Variants in WASF1 observed in about 807,000 individuals in gnomAD.
The protein encoded by WASF1 is WASP family member 1.
In WASF1, 7 loss-of-function variants were observed where a neutral mutation model predicts 50.5. That is an observed-to-expected ratio of 0.14 (90% CI 0.08 to 0.26). The LOEUF (loss-of-function observed/expected upper bound fraction) is 0.26, where lower values mean the gene tolerates loss of function less well. WASF1 is among the 10% of genes least tolerant of loss of function. The pLI, the probability that WASF1 is intolerant of heterozygous loss-of-function variation, is 1.00. For synonymous variants in WASF1, 205 were observed against 244.0 expected, an observed-to-expected ratio of 0.84 and a Z score of 1.49; for missense variants, 470 against 694.7, an observed-to-expected ratio of 0.68 and a Z score of 3.64.
chr6:110,135,764 G>C (rs936263668), intron 3 of WASF1, among the ~76,000 whole-genome samples: 3 of 106,004 alleles, frequency 2.8e-5, no homozygotes, highest in African/African-American at 7.3e-5. Context: ...ACTGGATTTA[G>C]TTTGGGTTTG....
At chr6:110,100,874 T>C (rs1773051311) in intron 10 of WASF1, among the ~76,000 whole-genome samples, 195 bp from the exon 11 acceptor site, 1 of 152,210 alleles carries the variant, frequency 6.6e-6, no homozygotes, top group Non-Finnish European at 1.5e-5. Flanking sequence ...TTGGTAAAAC[T>C]TACCAGATAT....
At chr6:110,118,629 C>T (rs1310614632) in intron 4 of WASF1, among the ~76,000 whole-genome samples, 1 of 152,018 alleles carries the variant, frequency 6.6e-6, no homozygotes, top group African/African-American at 2.4e-5. Context: ...ATATTAGACA[C>T]ATCAAAGAGA....
intron 10 of WASF1, 66 bp from the exon 11 acceptor site, chr6:110,100,745 T>C: frequency 7.2e-7 from 1 of 1,383,034 alleles, no homozygotes; most frequent in African/African-American, 1.5e-5. Context: ...TATTAATATT[T>C]CTGGAATAAA....
At chr6:110,179,094 C>T (rs1485060787) in intron 1 of WASF1, among the ~76,000 whole-genome samples, 1 of 152,340 alleles carries the variant, frequency 6.6e-6, no homozygotes, top group East Asian at 1.9e-4. Context: ...GAAAGAGGCA[C>T]GGGGCGGACC....
intron 2 of WASF1, among the ~76,000 whole-genome samples, chr6:110,171,014 C>G (rs1041114631): frequency 6.6e-6 from 1 of 152,102 alleles, no homozygotes. Context: ...ATCCTTCTAT[C>G]GGTAATTAAC....
At chr6:110,147,950 T>C (rs1775647414) in intron 3 of WASF1, among the ~76,000 whole-genome samples, 1 of 152,170 alleles carries the variant, frequency 6.6e-6, no homozygotes. Flanking sequence ...TTTTGCCATG[T>C]TGCCCGGGCT....
chr6:110,175,431 G>GA (rs2114630948), intron 2 of WASF1, among the ~76,000 whole-genome samples: 1 of 152,166 alleles, frequency 6.6e-6, no homozygotes, highest in East Asian at 1.9e-4. Flanking sequence ...CGTGTGAAAG[G>GA]ATCAAGACTA....
intron 4 of WASF1, among the ~76,000 whole-genome samples, chr6:110,114,600 T>C (rs1436295664): frequency 6.6e-6 from 1 of 151,810 alleles, no homozygotes; most frequent in African/African-American, 2.4e-5. Context: ...AGTCCATATA[T>C]GACAACTTAA....
At chr6:110,106,393 C>T (rs1057433388) in intron 7 of WASF1, among the ~76,000 whole-genome samples, 1 of 152,164 alleles carries the variant, frequency 6.6e-6, no homozygotes, top group African/African-American at 2.4e-5. Flanking sequence ...AATACAATGG[C>T]ATTATACAGG....
chr6:110,172,268 G>C (rs1438577034), intron 2 of WASF1, among the ~76,000 whole-genome samples: 1 of 152,094 alleles, frequency 6.6e-6, no homozygotes, highest in Non-Finnish European at 1.5e-5. Flanking sequence ...CAATAGCAAA[G>C]ACTTGGAACC....
intron 3 of WASF1, among the ~76,000 whole-genome samples, chr6:110,151,827 C>T (rs1775838699): frequency 6.6e-6 from 1 of 151,954 alleles, no homozygotes; most frequent in Non-Finnish European, 1.5e-5. Flanking sequence ...TTCTATTTCC[C>T]CACTGGACAT....
intron 2 of WASF1, among the ~76,000 whole-genome samples, chr6:110,171,768 T>C (rs1413332078): frequency 1.3e-5 from 2 of 152,004 alleles, no homozygotes; most frequent in East Asian, 3.9e-4. Context: ...GGAGAAAATT[T>C]TTGCAATCTA....
intron 3 of WASF1, among the ~76,000 whole-genome samples, chr6:110,139,059 G>C (rs545390547): frequency 2.0e-5 from 3 of 152,308 alleles, no homozygotes; most frequent in Non-Finnish European, 4.4e-5. Context: ...CATGCTCATA[G>C]GCACCCAAAG....
chr6:110,177,980 C>T (rs181213092), intron 2 of WASF1, among the ~76,000 whole-genome samples: 1 of 148,212 alleles, frequency 6.7e-6, no homozygotes, highest in East Asian at 2.0e-4. Flanking sequence ...AGGTAGATCA[C>T]GCAAAACTGA....
intron 3 of WASF1, among the ~76,000 whole-genome samples, chr6:110,149,484 TAAAAAAA>T (rs71729607): frequency 3.9e-5 from 4 of 103,278 alleles, no homozygotes; most frequent in South Asian, 3.0e-4. Context: ...GACTCTGTCT[TAAAAAAA>T]AAAAAAAAAA....
chr6:110,158,675 A>T (rs536594185), intron 3 of WASF1, among the ~76,000 whole-genome samples: 1 of 152,078 alleles, frequency 6.6e-6, no homozygotes, highest in African/African-American at 2.4e-5. Context: ...TAATTCACTC[A>T]GGTGACTTGT....
At chr6:110,115,108 GA>G (rs879806641) in intron 4 of WASF1, among the ~76,000 whole-genome samples, 128 of 70,614 alleles carry the variant, frequency 1.8e-3, no homozygotes, top group African/African-American at 4.4e-3. Context: ...CTCTCTCAAA[GA>G]AAAAAAAAAA....
intron 3 of WASF1, among the ~76,000 whole-genome samples, chr6:110,141,402 T>C (rs1298995690): frequency 1.3e-5 from 2 of 152,164 alleles, no homozygotes; most frequent in Admixed American, 1.3e-4. Flanking sequence ...AGAGAGAATA[T>C]ATAATTGTTC....
intron 2 of WASF1, among the ~76,000 whole-genome samples, chr6:110,176,932 G>T (rs1432266703): frequency 2.6e-5 from 4 of 152,034 alleles, no homozygotes; most frequent in African/African-American, 4.8e-5. Flanking sequence ...TGGTAAAAGT[G>T]CTAATAACAT....
Sources: allele counts gnomAD v4.1 joint callset (sites outside exome capture counted in the v4.1 genomes callset), GRCh38; gene constraint gnomAD v4.1.1; transcripts MANE v1.5; gene names NCBI Gene and HGNC (gene_info 2026-07-23, HGNC 2026-07-21).